Variants in ASAP1 observed in about 807,000 individuals in gnomAD.
ASAP1 encodes the protein ArfGAP with SH3 domain, ankyrin repeat and PH domain 1.
In ASAP1, 43 loss-of-function variants were observed where a neutral mutation model predicts 145.2. The observed-to-expected ratio is 0.30, with a 90% CI of 0.23 to 0.38. ASAP1 has a LOEUF of 0.38. ASAP1 is among the 10% of genes least tolerant of loss of function. The probability of loss-of-function intolerance (pLI) is 1.00; values close to 1 mark genes in which losing one functional copy is unlikely to be tolerated. For synonymous variants in ASAP1, 546 were observed against 515.5 expected (o/e 1.06, Z -0.80); for missense variants, 1,018 against 1,355.3 (o/e 0.75, Z 3.91).
chr8:130,276,814 T>C (rs1204734883), intron 3 of ASAP1, among the ~76,000 whole-genome samples: 2 of 142,998 alleles, frequency 1.4e-5, no homozygotes, highest in African/African-American at 5.3e-5. Flanking sequence ...TATGAGAAGG[T>C]GGAAAGTGTG....
chr8:130,166,165 C>T (rs985209706), intron 11 of ASAP1, among the ~76,000 whole-genome samples: 8 of 152,040 alleles, frequency 5.3e-5, no homozygotes, highest in African/African-American at 1.7e-4. Context: ...TGCCACCATG[C>T]GTGGCTAATT....
At chr8:130,262,105 AG>A (rs1430026012) in intron 3 of ASAP1, among the ~76,000 whole-genome samples, 1 of 152,056 alleles carries the variant, frequency 6.6e-6, no homozygotes, top group Non-Finnish European at 1.5e-5. Context: ...CTATTAAAAA[AG>A]GGAGTACCGG....
At chr8:130,254,745 T>C (rs1302563600) in intron 3 of ASAP1, among the ~76,000 whole-genome samples, 2 of 152,158 alleles carry the variant, frequency 1.3e-5, no homozygotes, top group Admixed American at 6.6e-5. Flanking sequence ...AAAGAGAAGT[T>C]ACCAAACATC....
intron 18 of ASAP1, among the ~76,000 whole-genome samples, chr8:130,119,492 C>T (rs990388188): frequency 1.3e-5 from 2 of 152,180 alleles, no homozygotes; most frequent in Non-Finnish European, 2.9e-5. Context: ...GGACTGAGCT[C>T]ACCTCCCAGC....
intron 3 of ASAP1, among the ~76,000 whole-genome samples, chr8:130,284,117 C>T (rs1821444696): frequency 6.6e-6 from 1 of 152,166 alleles, no homozygotes; most frequent in Admixed American, 6.5e-5. Flanking sequence ...ATGGACAAAA[C>T]CCATCCCTGA....
intron 4 of ASAP1, among the ~76,000 whole-genome samples, chr8:130,223,799 G>T (rs1159826349): frequency 6.6e-6 from 1 of 151,992 alleles, no homozygotes; most frequent in Non-Finnish European, 1.5e-5. Context: ...CTCTTCCAAG[G>T]TCTTTATGCA....
intron 3 of ASAP1, among the ~76,000 whole-genome samples, chr8:130,294,570 TG>T (rs1372863037): frequency 6.6e-6 from 1 of 152,230 alleles, no homozygotes; most frequent in African/African-American, 2.4e-5. Context: ...GAAAGATGAA[TG>T]AGATAATACA....
chr8:130,180,969 T>A, intron 7 of ASAP1, 89 bp from the exon 8 acceptor site: 1 of 1,245,456 alleles, frequency 8.0e-7, no homozygotes, highest in Non-Finnish European at 1.1e-6. Context: ...ACTATGGATT[T>A]GGGGTGACGA....
intron 3 of ASAP1, among the ~76,000 whole-genome samples, chr8:130,244,309 G>T (rs1281290015): frequency 6.6e-6 from 1 of 152,108 alleles, no homozygotes; most frequent in Non-Finnish European, 1.5e-5. Context: ...ATGTGAATAT[G>T]AACTCCTTGT....
intron 7 of ASAP1, among the ~76,000 whole-genome samples, chr8:130,185,072 G>C (rs1001487965): frequency 6.6e-6 from 1 of 152,144 alleles, no homozygotes; most frequent in African/African-American, 2.4e-5. Flanking sequence ...ACTTTTTTGT[G>C]TGGAGTCATT....
In ASAP1 at chr8:130,406,474, T is replaced by A. The variant is rs988187037; in HGVS notation, c.-27-4504A>T. ...GTTATTTATCCTTTCATACTTTAGTTCTTTTTTTTTTTTTTTTGAGACAGA... is the reference window on the plus strand; with the variant it reads ...GTTATTTATCCTTTCATACTTTAGTACTTTTTTTTTTTTTTTTGAGACAGA... On this transcript the variant is annotated intron_variant, in intron 1 of 29. Transcript: ENST00000518721. Among the ~76,000 whole-genome samples, 5 of 150,974 alleles carry A rather than the reference T, an allele frequency of 3.3e-5. No individual in the cohort carries two copies. In the South Asian group the frequency reaches 8.3e-4, roughly 25 times the overall value.
chr8:130,172,089 T>C (rs1813630316), intron 9 of ASAP1, among the ~76,000 whole-genome samples: 2 of 152,168 alleles, frequency 1.3e-5, no homozygotes, highest in South Asian at 2.1e-4. Context: ...TGGCCTCAGT[T>C]TGCTCATGTG....
At chr8:130,286,629 G>A (rs1821630751) in intron 3 of ASAP1, among the ~76,000 whole-genome samples, 1 of 152,088 alleles carries the variant, frequency 6.6e-6, no homozygotes, top group African/African-American at 2.4e-5. Flanking sequence ...ACCATGTAAA[G>A]CACTAAGAAC....
At chr8:130,105,172 A>C (rs907138568) in intron 24 of ASAP1, among the ~76,000 whole-genome samples, 2 of 152,212 alleles carry the variant, frequency 1.3e-5, no homozygotes, top group African/African-American at 4.8e-5. Flanking sequence ...CCTGGATTAA[A>C]TATATTCAGA....
intron 15 of ASAP1, 85 bp from the exon 16 acceptor site, chr8:130,128,175 A>C (rs1334081214): frequency 2.1e-6 from 2 of 939,918 alleles, no homozygotes; most frequent in Non-Finnish European, 1.4e-6. Context: ...GCCACTGCAA[A>C]AAAAAAAAAT....
rs946745795 is a variant in ASAP1 at position 130,142,762 on chromosome 8, A to C, written c.1081-5724T>G. ...CAAGCTGCAGGAGGTGACACTGAGC[A>C]CACAGGAAGGGAGACTCTGCATATG... On this transcript the variant is annotated intron_variant, in intron 13 of 29. Coordinates refer to ENST00000518721, the MANE Select transcript of ASAP1 (RefSeq NM_018482.4). 3.9e-5 allele frequency among the ~76,000 whole-genome samples: 6 copies of C among 152,316 alleles called. No homozygotes were observed. In the South Asian group the frequency reaches 1.2e-3, roughly 32 times the overall value.
chr8:130,417,128 C>T (rs542753749), intron 1 of ASAP1, among the ~76,000 whole-genome samples: 27 of 152,056 alleles, frequency 1.8e-4, no homozygotes, highest in Admixed American at 1.4e-3. Flanking sequence ...AACCCATGTA[C>T]AACTGCACAC....
At chr8:130,408,738 G>A (rs1213178113) in intron 1 of ASAP1, among the ~76,000 whole-genome samples, 1 of 152,160 alleles carries the variant, frequency 6.6e-6, no homozygotes, top group Non-Finnish European at 1.5e-5. Flanking sequence ...AACTTTGCAA[G>A]GAACTGTGAT....
chr8:130,114,304 A>G (rs1186400247), intron 23 of ASAP1, among the ~76,000 whole-genome samples: 1 of 152,222 alleles, frequency 6.6e-6, no homozygotes, highest in East Asian at 1.9e-4. Flanking sequence ...CCAGGCTACA[A>G]ACCTGTACAG....
Sources: allele counts gnomAD v4.1 joint callset (sites outside exome capture counted in the v4.1 genomes callset), GRCh38; gene constraint gnomAD v4.1.1; transcripts MANE v1.5; gene names NCBI Gene and HGNC (gene_info 2026-07-23, HGNC 2026-07-21).